Variants in KCNQ1 observed in about 807,000 individuals in gnomAD.
KCNQ1 encodes potassium voltage-gated channel subfamily KQT member 1.
In KCNQ1, 49 loss-of-function variants were observed where a neutral mutation model predicts 72.4. The ratio of observed to expected loss-of-function variants is 0.68; its 90% confidence interval spans 0.54 to 0.86. KCNQ1 has a LOEUF of 0.86. KCNQ1 is among the 40% of genes least tolerant of loss of function. KCNQ1 has a pLI of 0.00. For synonymous variants in KCNQ1, 450 were observed against 412.6 expected, an observed-to-expected ratio of 1.09 and a Z score of -1.10; for missense variants, 790 against 945.1, an observed-to-expected ratio of 0.84 and a Z score of 2.15.
At position 2,676,112 on chromosome 11, in the gene KCNQ1, A is replaced by G. The variant is rs1850288922; in HGVS notation, c.1514+14031A>G. On this transcript the variant is annotated intron_variant, in intron 11 of 15. Coordinates refer to ENST00000155840, the MANE Select transcript of KCNQ1 (RefSeq NM_000218.3). This position sits in a 1 kb window ranked among gnomAD's most constrained non-coding sequence, Gnocchi z 4.2. Reference sequence around the variant, plus strand: ...GTCTGTGTGTGCATGTACTTAGTAGATACGGCTCCTTTTTATACAAATGGT... The same window carrying G: ...GTCTGTGTGTGCATGTACTTAGTAGGTACGGCTCCTTTTTATACAAATGGT... The G allele has an allele frequency of 2.5e-6, 1 of 398,646 alleles. No individual in the cohort carries two copies. The highest frequency in any genetic ancestry group is 4.4e-6 in the Non-Finnish European group (1 of 226,074). 24.7% of individuals were successfully genotyped at this position (398,646 alleles called of 1,614,324 possible). A position where few individuals can be genotyped will look rare whatever the true frequency, so the allele number is the denominator to read the frequency against.
intron 6 of KCNQ1, among the ~76,000 whole-genome samples, chr11:2,580,861 GCTC>G (rs1848489037): frequency 6.6e-6 from 1 of 152,216 alleles, no homozygotes; most frequent in African/African-American, 2.4e-5. Flanking sequence ...GCGCTGGGCT[GCTC>G]CTCAAGTCTC....
chr11:2,758,193 A>G (rs564208193), intron 11 of KCNQ1, among the ~76,000 whole-genome samples: 1 of 152,298 alleles, frequency 6.6e-6, no homozygotes, highest in South Asian at 2.1e-4. Context: ...AACATGAAGT[A>G]CTCTCAAAAC....
At position 2,676,298 on chromosome 11, in the gene KCNQ1, G is replaced by A. The variant is rs957874231; in HGVS notation, c.1514+14217G>A. ...TGTGTTTACATGTATACAGACACAC[G>A]TGTGAACAGGTGATGGCTCTGAACA... On this transcript the variant is annotated intron_variant, in intron 11 of 15. Coordinates refer to ENST00000155840, the MANE Select transcript of KCNQ1 (RefSeq NM_000218.3). The surrounding 1 kb of genome is among the most constrained non-coding windows in gnomAD (Gnocchi z 4.2). The A allele has an allele frequency of 1.8e-5, 7 of 398,508 alleles. No individual in the cohort carries two copies. The highest frequency in any genetic ancestry group is 8.2e-5 in the African/African-American group (4 of 48,640). The allele number at this position is 398,508 out of a possible 1,614,324, so 24.7% of individuals were successfully genotyped here.
chr11:2,779,818 C>T (rs535559747), intron 15 of KCNQ1, among the ~76,000 whole-genome samples: 3 of 152,282 alleles, frequency 2.0e-5, no homozygotes, highest in East Asian at 1.9e-4. Flanking sequence ...CAGCCAAGGT[C>T]GGTGTGGGGG....
chr11:2,844,108 CA>C (rs1848268936), intron 15 of KCNQ1, among the ~76,000 whole-genome samples: 2 of 151,890 alleles, frequency 1.3e-5, no homozygotes, highest in Non-Finnish European at 2.9e-5. Context: ...CCTCCATCGC[CA>C]AAAAAAACCA....
intron 11 of KCNQ1, chr11:2,666,444 A>T (rs548070735): frequency 2.5e-6 from 1 of 398,560 alleles, no homozygotes; most frequent in Non-Finnish European, 4.4e-6. Context: ...CATGTCTTCA[A>T]CTTTCTCCTG....
chr11:2,727,324 T>C (rs559144523), intron 11 of KCNQ1, among the ~76,000 whole-genome samples: 106 of 152,328 alleles, frequency 7.0e-4, no homozygotes, highest in Middle Eastern at 6.8e-3. Context: ...TCTGAGGTTC[T>C]GTTTCTTCAT....
At position 2,687,089 on chromosome 11, in the gene KCNQ1, G is replaced by T. The variant is rs1349440489; in HGVS notation, c.1514+25008G>T. ...AAAGTGATGCAAGATATCCTGAGTT[G>T]GGTGTGACAAGTACACCTTGACACA... On this transcript the variant is annotated intron_variant, in intron 11 of 15. Transcript: ENST00000155840. The surrounding 1 kb of genome is among the most constrained non-coding windows in gnomAD (Gnocchi z 5.0). The T allele has an allele frequency of 1.8e-5, 7 of 398,526 alleles. No homozygotes were observed. The Admixed American group carries it at 3.1e-4, about 18-fold the overall frequency. 24.7% of individuals were successfully genotyped at this position (398,526 alleles called of 1,614,324 possible). A position where few individuals can be genotyped will look rare whatever the true frequency, so the allele number is the denominator to read the frequency against.
At chr11:2,733,586 G>A (rs1845887721) in intron 11 of KCNQ1, among the ~76,000 whole-genome samples, 1 of 152,044 alleles carries the variant, frequency 6.6e-6, no homozygotes, top group Non-Finnish European at 1.5e-5. Flanking sequence ...GCTGCTGGCA[G>A]CTCCTAGGGA....
chr11:2,667,823 G>A (rs921852914), intron 11 of KCNQ1: 46 of 398,502 alleles, frequency 1.2e-4, no homozygotes, highest in African/African-American at 9.5e-4. Context: ...ATAGGGTGGT[G>A]GTGTTAAACT....
intron 11 of KCNQ1, chr11:2,672,381 G>A: frequency 2.9e-6 from 1 of 346,786 alleles, no homozygotes; most frequent in Non-Finnish European, 5.0e-6. Flanking sequence ...TGATATGATT[G>A]AGCTCAGGCT....
chr11:2,743,653 C>G (rs1311509593), intron 11 of KCNQ1, among the ~76,000 whole-genome samples: 1 of 152,230 alleles, frequency 6.6e-6, no homozygotes, highest in Non-Finnish European at 1.5e-5. Flanking sequence ...CTTACTGATT[C>G]CTGGAGTCTG....
Position 2,484,838 on chromosome 11 carries a change from C to T in KCNQ1, c.386+39354C>T, listed in dbSNP as rs1193662010. 6.6e-6 allele frequency among the ~76,000 whole-genome samples: 1 copy of T among 152,214 alleles called. No individual in the cohort carries two copies. Among genetic ancestry groups the T allele is most frequent in the African/African-American group, 2.4e-5 (1 of 41,450 alleles). On this transcript the variant is annotated intron_variant, in intron 1 of 15. Transcript: ENST00000155840. The surrounding 1 kb of genome is among the most constrained non-coding windows in gnomAD (Gnocchi z 5.2). ...AGATATATTCATACATGAGTGGGCTCATACTGTCTCCAACTCCAGTTCTGC... is the reference window on the plus strand; with the variant it reads ...AGATATATTCATACATGAGTGGGCTTATACTGTCTCCAACTCCAGTTCTGC...
In KCNQ1 at chr11:2,467,126, G is replaced by A. The variant is rs143269442; in HGVS notation, c.386+21642G>A. Among the ~76,000 whole-genome samples, 452 of 152,214 alleles carry A rather than the reference G, an allele frequency of 3.0e-3. 1 individual carries two copies. Among genetic ancestry groups the A allele is most frequent in the African/African-American group, 0.011 (441 of 41,538 alleles). ...AAGCTGTGGCTGGAGAGCCGGGCAG[G>A]GTTGGTCAGCAGGTCCGAGGGCCTG... On this transcript the variant is annotated intron_variant, in intron 1 of 15. Coordinates refer to ENST00000155840, the MANE Select transcript of KCNQ1 (RefSeq NM_000218.3).
rs1310930954 is a variant in KCNQ1, at chr11:2,676,723, G to A, written c.1514+14642G>A. On this transcript the variant is annotated intron_variant, in intron 11 of 15. Transcript: ENST00000155840. The surrounding 1 kb of genome is among the most constrained non-coding windows in gnomAD (Gnocchi z 4.2). ...CTGGCAGGAGATAACCAAGTCATATGCATAGTGGCTTTGGGTACGATGGTC... is the reference window on the plus strand; with the variant it reads ...CTGGCAGGAGATAACCAAGTCATATACATAGTGGCTTTGGGTACGATGGTC... 2 of 398,558 alleles carry A rather than the reference G, an allele frequency of 5.0e-6. No individual in the cohort carries two copies. The highest frequency in any genetic ancestry group is 4.1e-5 in the African/African-American group (2 of 48,640). 24.7% of individuals were successfully genotyped at this position (398,558 alleles called of 1,614,324 possible).
intron 2 of KCNQ1, among the ~76,000 whole-genome samples, chr11:2,560,352 TG>T (rs370138452): frequency 5.0e-4 from 9 of 17,980 alleles, no homozygotes; most frequent in Non-Finnish European, 7.0e-4. Flanking sequence ...CCTGGGGGAA[TG>T]GGGGGGGTGA....
intron 10 of KCNQ1, chr11:2,634,044 T>G (rs1056921485): frequency 2.5e-6 from 1 of 398,606 alleles, no homozygotes; most frequent in Non-Finnish European, 4.4e-6. Flanking sequence ...TTCTGCCTGC[T>G]CAGTATTGTT....
At position 2,457,885 on chromosome 11, in the gene KCNQ1, G is replaced by GACT. The variant is rs1846219678; in HGVS notation, c.386+12403_386+12405dup. ...TCCTCCATCCCTGCATTTGAATGAGGACTATCAGTATGCATCCAGGATGAC... is the reference window on the plus strand; with the variant it reads ...TCCTCCATCCCTGCATTTGAATGAGGACTACTATCAGTATGCATCCAGGATGAC... On this transcript the variant is annotated intron_variant, in intron 1 of 15. Transcript: ENST00000155840. This position sits in a 1 kb window ranked among gnomAD's most constrained non-coding sequence, Gnocchi z 5.0. Among the ~76,000 whole-genome samples, 1 of 151,886 alleles carries GACT rather than the reference G, an allele frequency of 6.6e-6. No individual in the cohort carries two copies. The highest frequency in any genetic ancestry group is 2.4e-5 in the African/African-American group (1 of 41,328).
chr11:2,675,926 C>CT (rs1174551824), intron 11 of KCNQ1: 3 of 398,570 alleles, frequency 7.5e-6, no homozygotes, highest in African/African-American at 6.2e-5. Flanking sequence ...ATACAACAGT[C>CT]TTTACACACA....
Sources: gnomAD v4.1 joint callset for allele counts (sites outside exome capture counted in the v4.1 genomes callset) on GRCh38, gnomAD v4.1.1 for gene constraint, Gnocchi (gnomAD v3.1) non-coding constraint, MANE v1.5 for transcripts, NCBI Gene and HGNC (gene_info 2026-07-23, HGNC 2026-07-21) for gene names.